The following SASH1 variants were observed in gnomAD, a reference collection of about 807,000 sequenced individuals.
The protein encoded by SASH1 is SAM and SH3 domain containing 1.
Under a neutral mutation model 125.2 loss-of-function variants are expected in SASH1, and 44 were observed. The ratio of observed to expected loss-of-function variants is 0.35; its 90% confidence interval spans 0.28 to 0.45. The LOEUF is 0.45. Among genes scored for constraint, SASH1 ranks in the 20% least tolerant of loss-of-function variants. The probability of loss-of-function intolerance (pLI) is 1.00; values close to 1 mark genes in which losing one functional copy is unlikely to be tolerated. For missense variants in SASH1, 1,426 were observed against 1,614.5 expected, an observed-to-expected ratio of 0.88 and a Z score of 2.00; for synonymous variants, 639 against 649.1, an observed-to-expected ratio of 0.98 and a Z score of 0.24.
intron 7 of SASH1, among the ~76,000 whole-genome samples, chr6:148,485,646 G>A (rs1478589456): frequency 6.6e-6 from 1 of 152,134 alleles, no homozygotes; most frequent in Non-Finnish European, 1.5e-5. Context: ...CTGGTATTTG[G>A]TTCTGCATTC....
At chr6:148,537,567 A>G (rs944032231) in intron 16 of SASH1, among the ~76,000 whole-genome samples, 14 of 152,290 alleles carry the variant, frequency 9.2e-5, no homozygotes, top group Admixed American at 7.2e-4. Context: ...AAACATATGC[A>G]TGCACATGCT....
intron 4 of SASH1, among the ~76,000 whole-genome samples, chr6:148,458,982 A>G (rs1777485749): frequency 1.5e-5 from 1 of 66,010 alleles, no homozygotes; most frequent in Admixed American, 1.8e-4. Context: ...AAAAAAAAGT[A>G]TACACACACA....
At chr6:148,417,312 C>T (rs917573551) in intron 2 of SASH1, among the ~76,000 whole-genome samples, 3 of 152,072 alleles carry the variant, frequency 2.0e-5, no homozygotes, top group Admixed American at 6.6e-5. Flanking sequence ...CCTGGTCGGG[C>T]GCGGTGGCTC....
chr6:148,290,574 C>A (rs951330477), intron 1 of SASH1, among the ~76,000 whole-genome samples: 1 of 151,980 alleles, frequency 6.6e-6, no homozygotes, highest in African/African-American at 2.4e-5. Flanking sequence ...CCACTGCACT[C>A]CAGCCTGGGT....
chr6:148,533,783 A>G lies in SASH1; in HGVS notation c.1747A>G (p.Ile583Val), dbSNP rs771175444. ...DSLKLKKGDIIDIISKPPMGT... is the reference protein window; with the variant it reads ...DSLKLKKGDIVDIISKPPMGT... ...CCCTGGGCCACAGAAAGGAGATATCATCGATATAATCAGCAAGCCACCCAT... is the reference window on the plus strand; with the variant it reads ...CCCTGGGCCACAGAAAGGAGATATCGTCGATATAATCAGCAAGCCACCCAT... The change falls in exon 15 of 20, where the codon ATC becomes GTC. Residue 583 changes from isoleucine to valine, a missense_variant. Transcript: ENST00000367467. The surrounding 1 kb of genome is among the most constrained non-coding windows in gnomAD (Gnocchi z 6.2). 8 of 1,613,128 alleles carry G rather than the reference A, an allele frequency of 5.0e-6. No homozygotes were observed. The South Asian group carries it at 6.6e-5, about 13-fold the overall frequency.
the SASH1 span, among the ~76,000 whole-genome samples, chr6:148,210,873 T>A: frequency 5.3e-5 from 8 of 152,224 alleles, no homozygotes; most frequent in African/African-American, 1.9e-4. Flanking sequence ...AATAGACATA[T>A]TTTTTCTGAA....
chr6:148,452,932 C>T (rs753026262), intron 4 of SASH1, among the ~76,000 whole-genome samples: 1 of 152,262 alleles, frequency 6.6e-6, no homozygotes, highest in Non-Finnish European at 1.5e-5. Context: ...TAGCAATGCG[C>T]TGAAGCGTGC....
At chr6:148,224,414 G>A in the SASH1 span, among the ~76,000 whole-genome samples, 1 of 151,898 alleles carries the variant, frequency 6.6e-6, no homozygotes, top group African/African-American at 2.4e-5. Context: ...GGGCTGGAGT[G>A]CAGTGGTGCG....
At chr6:148,527,367 G>C in intron 11 of SASH1, 86 bp from the exon 12 acceptor site, 1 of 1,210,238 alleles carries the variant, frequency 8.3e-7, no homozygotes, top group Non-Finnish European at 1.1e-6. Flanking sequence ...CAATATTTCT[G>C]AGAGCTAGGA....
the SASH1 span, among the ~76,000 whole-genome samples, chr6:148,244,627 A>C: frequency 6.6e-6 from 1 of 152,118 alleles, no homozygotes; most frequent in Non-Finnish European, 1.5e-5. Context: ...AGACCCTCTT[A>C]AAGAGGGTGC....
intron 2 of SASH1, among the ~76,000 whole-genome samples, chr6:148,427,258 C>T (rs1281488059): frequency 2.6e-5 from 4 of 152,006 alleles, no homozygotes; most frequent in Admixed American, 2.0e-4. Flanking sequence ...TGGTCTTTAC[C>T]CCTGGGAAAT....
At chr6:148,195,661 G>C in the SASH1 span, among the ~76,000 whole-genome samples, 1 of 152,220 alleles carries the variant, frequency 6.6e-6, no homozygotes, top group Non-Finnish European at 1.5e-5. Flanking sequence ...CTTCCCGTGA[G>C]AGAGCTAAGT....
chr6:148,382,715 G>A (rs1344873490), intron 1 of SASH1, among the ~76,000 whole-genome samples: 2 of 152,162 alleles, frequency 1.3e-5, no homozygotes, highest in Admixed American at 1.3e-4. Context: ...TTCTTCAGGA[G>A]GGGATCTGTG....
rs1780160271 is a variant in SASH1, at chr6:148,307,081, TTTCTTTC to T, written n.74+34707_74+34713del. ...CTTTCTTTCTTTCTTTCTTTCTTTC[TTTCTTTC>T]TTTCTTTCTCTCTCTCTGTCTCTTT... On this transcript the variant is annotated intron_variant and non_coding_transcript_variant, in intron 1 of 3. Coordinates refer to the SASH1 transcript ENST00000367469. 1.4e-4 allele frequency among the ~76,000 whole-genome samples: 21 copies of T among 147,054 alleles called. No homozygotes were observed. In the South Asian group the frequency reaches 4.3e-3, roughly 30 times the overall value.
the SASH1 span, among the ~76,000 whole-genome samples, chr6:148,266,259 G>A: frequency 3.9e-5 from 6 of 152,256 alleles, no homozygotes; most frequent in South Asian, 2.1e-4. Context: ...GTGAGCCACC[G>A]TGCCCAGCTC....
At chr6:148,218,035 A>AT in the SASH1 span, among the ~76,000 whole-genome samples, 31 of 151,818 alleles carry the variant, frequency 2.0e-4, no homozygotes, top group Non-Finnish European at 4.4e-4. Context: ...AAATAAATAA[A>AT]AAAAATGAAT....
At chr6:148,387,469 C>T (rs1221469574) in intron 1 of SASH1, among the ~76,000 whole-genome samples, 3 of 150,426 alleles carry the variant, frequency 2.0e-5, no homozygotes, top group African/African-American at 4.9e-5. Context: ...TCTCTTTTCT[C>T]TTCTCTTCTC....
At chr6:148,518,255 T>C (rs145196990) in intron 9 of SASH1, among the ~76,000 whole-genome samples, 42 of 152,208 alleles carry the variant, frequency 2.8e-4, no homozygotes, top group African/African-American at 1.0e-3. Flanking sequence ...CCTGAACAAC[T>C]CTTCAGGGGA....
intron 2 of SASH1, among the ~76,000 whole-genome samples, chr6:148,434,827 A>G (rs2114988200): frequency 6.6e-6 from 1 of 152,318 alleles, no homozygotes; most frequent in African/African-American, 2.4e-5. Context: ...CTCCCAGGTC[A>G]TTCTGAGGAG....
Sources: gnomAD v4.1 joint callset for allele counts (sites outside exome capture counted in the v4.1 genomes callset) on GRCh38, gnomAD v4.1.1 for gene constraint, Gnocchi (gnomAD v3.1) non-coding constraint, MANE v1.5 for transcripts, NCBI Gene and HGNC (gene_info 2026-07-23, HGNC 2026-07-21) for gene names.